The following CPED1 variants were observed in gnomAD, a reference collection of about 807,000 sequenced individuals.
CPED1 encodes the protein cadherin-like and PC-esterase domain-containing protein 1.
CPED1 carries 114 observed loss-of-function variants against 128.2 expected under a neutral mutation model. That is an observed-to-expected ratio of 0.89 (90% CI 0.76 to 1.04). The LOEUF is 1.04. Among genes scored for constraint, CPED1 ranks in the 50% least tolerant of loss-of-function variants. The pLI, the probability that CPED1 is intolerant of heterozygous loss-of-function variation, is 0.00. For synonymous variants in CPED1, 462 were observed against 426.7 expected (o/e 1.08, Z -1.02); for missense variants, 1,211 against 1,207.1 (o/e 1.00, Z -0.05).
chr7:121,099,668 C>A (rs1208457590), intron 6 of CPED1, among the ~76,000 whole-genome samples: 3 of 152,144 alleles, frequency 2.0e-5, no homozygotes, highest in East Asian at 1.9e-4. Flanking sequence ...GCTCAGCCAC[C>A]TTTTTTACTT....
chr7:121,292,697 T>A (rs1479176760), intron 22 of CPED1, among the ~76,000 whole-genome samples: 3 of 151,928 alleles, frequency 2.0e-5, no homozygotes, highest in Admixed American at 2.0e-4. Flanking sequence ...TCGGATGGGG[T>A]TTTTAGGTGG....
intron 2 of CPED1, among the ~76,000 whole-genome samples, chr7:121,000,738 A>G (rs977879596): frequency 1.3e-4 from 20 of 152,114 alleles, no homozygotes; most frequent in African/African-American, 4.8e-4. Flanking sequence ...TTCAATCTCA[A>G]GCCTGTTAAG....
intron 22 of CPED1, among the ~76,000 whole-genome samples, chr7:121,271,635 T>A (rs189044941): frequency 1.3e-5 from 2 of 152,268 alleles, no homozygotes; most frequent in East Asian, 3.9e-4. Flanking sequence ...AAAAAATTTA[T>A]GTTTGTTTAG....
At position 121,217,496 on chromosome 7, in the gene CPED1, T is replaced by C. The variant is rs191941227; in HGVS notation, c.2056-19218T>C. Among the ~76,000 whole-genome samples, 5 of 152,238 alleles carry C rather than the reference T, an allele frequency of 3.3e-5. No individual in the cohort carries two copies. The East Asian group carries it at 5.8e-4, about 18-fold the overall frequency. ...TTGTTTTGTATTTCCTAGTATTTTC[T>C]ATAACCATTTCCTAAAGGCATCTGT... On this transcript the variant is annotated intron_variant, in intron 16 of 22. Transcript: ENST00000310396.
chr7:121,286,194 C>T (rs1792567959), intron 22 of CPED1, among the ~76,000 whole-genome samples: 1 of 152,166 alleles, frequency 6.6e-6, no homozygotes, highest in South Asian at 2.1e-4. Context: ...ATGATAACAG[C>T]ATGGAGGTAA....
intron 2 of CPED1, among the ~76,000 whole-genome samples, chr7:121,002,704 G>T (rs907180193): frequency 2.6e-5 from 4 of 152,082 alleles, no homozygotes; most frequent in African/African-American, 9.7e-5. Context: ...GACCATGTTT[G>T]CTTTTAACAA....
At chr7:121,007,207 G>A (rs1187152817) in intron 2 of CPED1, among the ~76,000 whole-genome samples, 1 of 150,526 alleles carries the variant, frequency 6.6e-6, no homozygotes. Flanking sequence ...GGAGTTTGAA[G>A]CGTTGCGAAA....
intron 4 of CPED1, among the ~76,000 whole-genome samples, chr7:121,053,017 C>T (rs1411904330): frequency 1.3e-5 from 2 of 151,980 alleles, no homozygotes; most frequent in Non-Finnish European, 2.9e-5. Context: ...CTGTGCCTGG[C>T]CTTAATTTTT....
At chr7:121,129,285 A>ATG (rs1421556787) in intron 11 of CPED1, among the ~76,000 whole-genome samples, 12 of 80,180 alleles carry the variant, frequency 1.5e-4, no homozygotes, top group African/African-American at 3.9e-4. Context: ...GTGTGTATAT[A>ATG]TGTATATATA....
At chr7:121,054,137 T>C (rs1793432289) in intron 4 of CPED1, among the ~76,000 whole-genome samples, 1 of 152,210 alleles carries the variant, frequency 6.6e-6, no homozygotes, top group Non-Finnish European at 1.5e-5. Flanking sequence ...TAGGGTGTCA[T>C]TGAGTTTGAG....
chr7:121,286,434 T>C (rs1584655723), intron 22 of CPED1, among the ~76,000 whole-genome samples: 1 of 152,194 alleles, frequency 6.6e-6, no homozygotes, highest in East Asian at 1.9e-4. Context: ...ATGGCAGGAA[T>C]GCCCTGCCTG....
intron 22 of CPED1, 149 bp downstream of exon 22, chr7:121,271,579 C>A: frequency 1.3e-6 from 1 of 779,782 alleles, no homozygotes; most frequent in Non-Finnish European, 2.0e-6. Flanking sequence ...ATCATTCAGC[C>A]AAGGCATGTA....
intron 5 of CPED1, among the ~76,000 whole-genome samples, chr7:121,095,616 A>G (rs1437040661): frequency 6.6e-6 from 1 of 152,116 alleles, no homozygotes; most frequent in African/African-American, 2.4e-5. Context: ...ATTCATTTCC[A>G]TTATCCGATC....
intron 7 of CPED1, among the ~76,000 whole-genome samples, chr7:121,107,753 C>T (rs1264847014): frequency 2.6e-5 from 4 of 152,110 alleles, no homozygotes; most frequent in South Asian, 2.1e-4. Flanking sequence ...TTTACCAGTA[C>T]GTTTTGAAAC....
chr7:121,204,865 C>A (rs1797483541), intron 16 of CPED1, among the ~76,000 whole-genome samples: 1 of 152,054 alleles, frequency 6.6e-6, no homozygotes, highest in South Asian at 2.1e-4. Context: ...CTTTATATAG[C>A]TATTAATGTT....
intron 16 of CPED1, among the ~76,000 whole-genome samples, chr7:121,179,099 G>T (rs1012306162): frequency 6.6e-6 from 1 of 152,082 alleles, no homozygotes; most frequent in African/African-American, 2.4e-5. Context: ...TTTCAAAATG[G>T]AGTGATCAGT....
At chr7:121,170,097 G>A (rs559245469) in intron 16 of CPED1, among the ~76,000 whole-genome samples, 10 of 152,124 alleles carry the variant, frequency 6.6e-5, no homozygotes, top group Admixed American at 1.3e-4. Context: ...ACCTCACAAA[G>A]CACGTGGTAT....
chr7:121,244,127 T>C, intron 17 of CPED1, 75 bp from the exon 18 acceptor site: 2 of 1,543,024 alleles, frequency 1.3e-6, no homozygotes, highest in Middle Eastern at 1.7e-4. Context: ...TGGTGTGCCA[T>C]AGCTGAATTT....
intron 14 of CPED1, among the ~76,000 whole-genome samples, chr7:121,139,377 G>T (rs998473290): frequency 6.6e-6 from 1 of 151,546 alleles, no homozygotes; most frequent in Non-Finnish European, 1.5e-5. Flanking sequence ...ATAGAGTATA[G>T]GTCAGAAATA....
Sources: allele counts gnomAD v4.1 joint callset (sites outside exome capture counted in the v4.1 genomes callset), GRCh38; gene constraint gnomAD v4.1.1; transcripts MANE v1.5; gene names NCBI Gene and HGNC (gene_info 2026-07-23, HGNC 2026-07-21).